GPHN: variants seen among roughly 807,000 people sequenced by gnomAD.
GPHN encodes the protein gephyrin.
In GPHN, 17 loss-of-function variants were observed where a neutral mutation model predicts 95.5. That is an observed-to-expected ratio of 0.18 (90% CI 0.12 to 0.27). The LOEUF is 0.27. GPHN is among the 10% of genes least tolerant of loss of function. The pLI, the probability that GPHN is intolerant of heterozygous loss-of-function variation, is 1.00. For synonymous variants in GPHN, 320 were observed against 322.5 expected (o/e 0.99, Z 0.08); for missense variants, 660 against 978.1 (o/e 0.67, Z 4.34).
chr14:67,275,928 C>T, the GPHN span, among the ~76,000 whole-genome samples: 9 of 152,168 alleles, frequency 5.9e-5, no homozygotes, highest in African/African-American at 2.2e-4. Flanking sequence ...ACAGTGTTCT[C>T]TGATGGTAGT....
chr14:66,519,227 A>G (rs906308015), intron 1 of GPHN, among the ~76,000 whole-genome samples: 4 of 152,060 alleles, frequency 2.6e-5, no homozygotes, highest in Non-Finnish European at 5.9e-5. Flanking sequence ...GTTATAAAGA[A>G]TGTAATAATA....
At chr14:67,104,538 A>G (rs2077928459) in intron 13 of GPHN, among the ~76,000 whole-genome samples, 1 of 151,952 alleles carries the variant, frequency 6.6e-6, no homozygotes, top group African/African-American at 2.4e-5. Flanking sequence ...CTCATTACTC[A>G]TGATTGATCT....
At chr14:67,277,572 A>C in the GPHN span, among the ~76,000 whole-genome samples, 5 of 151,938 alleles carry the variant, frequency 3.3e-5, no homozygotes, top group Non-Finnish European at 5.9e-5. Context: ...TAGTAGGTTT[A>C]TTACTGTAAA....
intron 10 of GPHN, among the ~76,000 whole-genome samples, chr14:67,050,369 G>A (rs184642912): frequency 1.1e-3 from 161 of 152,254 alleles, no homozygotes; most frequent in Middle Eastern, 3.4e-3. Flanking sequence ...GACTTTGTTT[G>A]AAAGATTTGC....
the GPHN span, among the ~76,000 whole-genome samples, chr14:67,493,392 G>A: frequency 7.2e-5 from 11 of 152,228 alleles, no homozygotes; most frequent in South Asian, 2.1e-4. Flanking sequence ...TAGATTGTGC[G>A]GTCCAACCCC....
chr14:67,436,624 A>G, the GPHN span, among the ~76,000 whole-genome samples: 7 of 152,142 alleles, frequency 4.6e-5, no homozygotes, highest in African/African-American at 1.7e-4. Context: ...CTGGCACCCG[A>G]TAATCTCACT....
chr14:67,269,573 A>G, the GPHN span: 5 of 152,534 alleles, frequency 3.3e-5, no homozygotes, highest in African/African-American at 4.8e-5. Context: ...ATTTCTGACT[A>G]AGAAATCCTA....
intron 2 of GPHN, among the ~76,000 whole-genome samples, chr14:66,690,681 G>C (rs529467897): frequency 6.6e-6 from 1 of 152,294 alleles, no homozygotes; most frequent in South Asian, 2.1e-4. Context: ...ATATCTGGGT[G>C]CTCCAATGTT....
At chr14:67,282,721 T>A in the GPHN span, among the ~76,000 whole-genome samples, 1 of 152,134 alleles carries the variant, frequency 6.6e-6, no homozygotes, top group Non-Finnish European at 1.5e-5. Context: ...AGGCTTTCCT[T>A]AAAATTGGCA....
the GPHN span, among the ~76,000 whole-genome samples, chr14:67,388,564 C>G: frequency 6.6e-6 from 1 of 152,214 alleles, no homozygotes; most frequent in Non-Finnish European, 1.5e-5. Flanking sequence ...GCTTTTCATT[C>G]CTGGAGATGT....
chr14:66,958,199 CTTGA>C (rs2068661913), intron 8 of GPHN, among the ~76,000 whole-genome samples: 1 of 152,022 alleles, frequency 6.6e-6, no homozygotes. Flanking sequence ...GTTATGTCTT[CTTGA>C]TTAACTGACC....
chr14:67,411,903 T>C, the GPHN span: 2 of 947,232 alleles, frequency 2.1e-6, no homozygotes, highest in South Asian at 1.7e-5. Context: ...ACCATGGGGG[T>C]TGGGGATGGG....
intron 1 of GPHN, among the ~76,000 whole-genome samples, chr14:66,641,327 C>A (rs2064395750): frequency 1.3e-5 from 2 of 152,114 alleles, no homozygotes; most frequent in African/African-American, 4.8e-5. Context: ...GCCAAGCAGT[C>A]ATGAGGGTAA....
intron 4 of GPHN, among the ~76,000 whole-genome samples, chr14:66,875,998 T>G (rs2063647811): frequency 6.6e-6 from 1 of 152,130 alleles, no homozygotes; most frequent in African/African-American, 2.4e-5. Flanking sequence ...AGAACATAAT[T>G]GGAAGTAAAA....
chr14:67,096,766 A>G (rs72715365), intron 12 of GPHN, among the ~76,000 whole-genome samples: 6,947 of 130,076 alleles, frequency 0.053, 192 homozygotes, highest in Middle Eastern at 0.096. Context: ...TAGCTAGACT[A>G]CAGGCACACA....
At chr14:67,113,833 A>G (rs1217068535) in intron 16 of GPHN, among the ~76,000 whole-genome samples, 1 of 152,236 alleles carries the variant, frequency 6.6e-6, no homozygotes, top group Non-Finnish European at 1.5e-5. Flanking sequence ...GCAAAACTTC[A>G]GTCAGAAGCT....
At chr14:66,512,394 C>T (rs2058073183) in intron 1 of GPHN, among the ~76,000 whole-genome samples, 2 of 151,702 alleles carry the variant, frequency 1.3e-5, no homozygotes, top group African/African-American at 4.8e-5. Flanking sequence ...TAGATTATTC[C>T]ATTGGCTACT....
intron 12 of GPHN, among the ~76,000 whole-genome samples, chr14:67,097,734 T>C (rs918861513): frequency 6.6e-6 from 1 of 152,214 alleles, no homozygotes; most frequent in Non-Finnish European, 1.5e-5. Flanking sequence ...TGTATTTATA[T>C]ATTCATTAAT....
chr14:67,060,324 G>C (rs1179946122), intron 11 of GPHN, among the ~76,000 whole-genome samples: 1 of 151,640 alleles, frequency 6.6e-6, no homozygotes, highest in Non-Finnish European at 1.5e-5. Context: ...CATCAAATCA[G>C]TTGTCACTTG....
Sources: allele counts gnomAD v4.1 joint callset (sites outside exome capture counted in the v4.1 genomes callset), GRCh38; gene constraint gnomAD v4.1.1; transcripts MANE v1.5; gene names NCBI Gene and HGNC (gene_info 2026-07-23, HGNC 2026-07-21).